Variants in SRD5A3 observed in about 807,000 individuals in gnomAD.
The protein encoded by SRD5A3 is polyprenal reductase.
Under a neutral mutation model 34.3 loss-of-function variants are expected in SRD5A3, and 24 were observed. The observed-to-expected ratio is 0.70, with a 90% CI of 0.51 to 0.99. SRD5A3 has a LOEUF of 0.99. Among genes scored for constraint, SRD5A3 ranks in the 50% least tolerant of loss-of-function variants. SRD5A3 has a pLI of 0.00. For synonymous variants in SRD5A3, 161 were observed against 167.3 expected (o/e 0.96, Z 0.29); for missense variants, 350 against 388.2 (o/e 0.90, Z 0.83).
intron 1 of SRD5A3, among the ~76,000 whole-genome samples, chr4:55,356,415 C>T (rs1001728858): frequency 2.6e-5 from 4 of 152,152 alleles, no homozygotes; most frequent in African/African-American, 9.7e-5. Context: ...ATACATTCAT[C>T]TTGTTATCCA....
intron 1 of SRD5A3, among the ~76,000 whole-genome samples, chr4:55,358,546 A>AC (rs1179365454): frequency 7.5e-6 from 1 of 133,990 alleles, no homozygotes; most frequent in African/African-American, 2.7e-5. Flanking sequence ...AAAAAAAAAA[A>AC]AAAAAAAAAA....
chr4:55,362,219 C>G (rs970720884), intron 2 of SRD5A3, among the ~76,000 whole-genome samples: 3 of 151,774 alleles, frequency 2.0e-5, no homozygotes, highest in Admixed American at 6.6e-5. Flanking sequence ...CCTACCCCTC[C>G]CGGGTTCAAG....
intron 1 of SRD5A3, among the ~76,000 whole-genome samples, chr4:55,348,900 TTAAG>T (rs1719089343): frequency 6.6e-6 from 1 of 152,218 alleles, no homozygotes; most frequent in Non-Finnish European, 1.5e-5. Context: ...GTGTGAAAGA[TTAAG>T]TGAGAATGGA....
At chr4:55,347,424 T>C (rs1719036220) in intron 1 of SRD5A3, among the ~76,000 whole-genome samples, 1 of 151,868 alleles carries the variant, frequency 6.6e-6, no homozygotes, top group Non-Finnish European at 1.5e-5. Flanking sequence ...AGTTCAGGAG[T>C]TCGAGACCAG....
chr4:55,358,953 A>G (rs1478021674), intron 1 of SRD5A3: 1 of 228,764 alleles, frequency 4.4e-6, no homozygotes, highest in African/African-American at 2.3e-5. Flanking sequence ...GGGATATAGA[A>G]ATCAAAATCT....
Position 55,370,602 on chromosome 4 carries a change from G to C in SRD5A3, c.*511G>C, listed in dbSNP as rs1469786271. 1 of 168,496 alleles carries C rather than the reference G, an allele frequency of 5.9e-6. No individual in the cohort carries two copies. Among genetic ancestry groups the C allele is most frequent in the Non-Finnish European group, 1.3e-5 (1 of 78,322 alleles). The allele number at this position is 168,496 out of a possible 1,614,324, so 10.4% of individuals were successfully genotyped here. On this transcript the variant is annotated 3_prime_UTR_variant, in exon 5 of 5. Transcript: ENST00000264228. ...ACCTTTCAAAATAATAACAGGCTGG[G>C]TGCAATGGCTCACACCTGTTAATCC...
chr4:55,354,548 G>C (rs1719356692), intron 1 of SRD5A3, among the ~76,000 whole-genome samples: 1 of 152,092 alleles, frequency 6.6e-6, no homozygotes, highest in Non-Finnish European at 1.5e-5. Flanking sequence ...TTCTATTCCA[G>C]GTTTGAGGGC....
At chr4:55,365,205 C>T (rs950216891) in intron 3 of SRD5A3, among the ~76,000 whole-genome samples, 2 of 152,096 alleles carry the variant, frequency 1.3e-5, no homozygotes, top group Non-Finnish European at 2.9e-5. Flanking sequence ...TTTTCAGCTG[C>T]CCTGTCCATC....
chr4:55,360,808 C>T (rs1719656264), intron 2 of SRD5A3, among the ~76,000 whole-genome samples: 1 of 151,612 alleles, frequency 6.6e-6, no homozygotes, highest in Non-Finnish European at 1.5e-5. Flanking sequence ...CCTGCCTCAG[C>T]CTCCCAAGTA....
chr4:55,358,002 AT>A (rs1719533325), intron 1 of SRD5A3, among the ~76,000 whole-genome samples: 1 of 152,222 alleles, frequency 6.6e-6, no homozygotes, highest in East Asian at 1.9e-4. Flanking sequence ...TTACAAGCAC[AT>A]TCTGGATCAT....
chr4:55,365,849 C>T (rs534854638), intron 3 of SRD5A3, among the ~76,000 whole-genome samples: 10 of 152,270 alleles, frequency 6.6e-5, no homozygotes, highest in Admixed American at 5.9e-4. Flanking sequence ...AACCAAAGGG[C>T]GTGATAGAAA....
intron 1 of SRD5A3, among the ~76,000 whole-genome samples, chr4:55,347,788 G>A (rs1260614605): frequency 6.6e-6 from 1 of 152,160 alleles, no homozygotes; most frequent in East Asian, 1.9e-4. Flanking sequence ...GATGTGTCAT[G>A]TGTTAACACA....
At chr4:55,359,256 GA>G in intron 1 of SRD5A3, 89 bp from the exon 2 acceptor site, 1 of 1,556,388 alleles carries the variant, frequency 6.4e-7, no homozygotes, top group Non-Finnish European at 8.8e-7. Flanking sequence ...GAGGGGTGGG[GA>G]AAGACAGAGA....
chr4:55,362,640 T>G (rs943241827), intron 2 of SRD5A3, among the ~76,000 whole-genome samples: 1 of 150,564 alleles, frequency 6.6e-6, no homozygotes, highest in Non-Finnish European at 1.5e-5. Context: ...TTAATGTTTT[T>G]AGAGATGGGG....
At chr4:55,349,703 T>A (rs1719118108) in intron 1 of SRD5A3, among the ~76,000 whole-genome samples, 1 of 152,162 alleles carries the variant, frequency 6.6e-6, no homozygotes, top group African/African-American at 2.4e-5. Flanking sequence ...TCAAAATGAT[T>A]CCAAATGGTA....
At chr4:55,348,815 T>C (rs189013644) in intron 1 of SRD5A3, among the ~76,000 whole-genome samples, 6 of 152,342 alleles carry the variant, frequency 3.9e-5, no homozygotes, top group Non-Finnish European at 7.4e-5. Flanking sequence ...CCCTGCCTGT[T>C]GGAATTTAAA....
At chr4:55,363,405 G>A (rs1719759513) in intron 2 of SRD5A3, among the ~76,000 whole-genome samples, 1 of 152,124 alleles carries the variant, frequency 6.6e-6, no homozygotes, top group South Asian at 2.1e-4. Context: ...CTGCACTCTA[G>A]CCTGGGTGAC....
intron 1 of SRD5A3, among the ~76,000 whole-genome samples, chr4:55,347,394 T>A (rs1272744353): frequency 2.0e-5 from 3 of 152,168 alleles, no homozygotes; most frequent in Non-Finnish European, 4.4e-5. Context: ...TTTAGGAGGC[T>A]GAGGCAGGCG....
intron 1 of SRD5A3, among the ~76,000 whole-genome samples, chr4:55,353,193 C>CT (rs1719263262): frequency 6.6e-6 from 1 of 152,172 alleles, no homozygotes; most frequent in African/African-American, 2.4e-5. Context: ...GCCAGCTGGA[C>CT]TTCCTGGGTG....
Sources: allele counts gnomAD v4.1 joint callset (sites outside exome capture counted in the v4.1 genomes callset), GRCh38; gene constraint gnomAD v4.1.1; transcripts MANE v1.5; gene names NCBI Gene and HGNC (gene_info 2026-07-23, HGNC 2026-07-21).